GAB2: variants seen among roughly 807,000 people sequenced by gnomAD.
GAB2 encodes GRB2-associated-binding protein 2.
GAB2 carries 26 observed loss-of-function variants against 65.5 expected under a neutral mutation model. The observed-to-expected ratio is 0.40, with a 90% CI of 0.29 to 0.55. The LOEUF is 0.55. Among genes scored for constraint, GAB2 ranks in the 20% least tolerant of loss-of-function variants. The pLI is 0.53. For missense variants in GAB2, 884 were observed against 875.8 expected, an observed-to-expected ratio of 1.01 and a Z score of -0.12; for synonymous variants, 321 against 329.6, an observed-to-expected ratio of 0.97 and a Z score of 0.28.
At chr11:78,320,023 A>G in intron 1 of GAB2, among the ~76,000 whole-genome samples, 1 of 151,934 alleles carries the variant, frequency 6.6e-6, no homozygotes, top group Non-Finnish European at 1.5e-5. Context: ...TTACAGGTAC[A>G]CACCACCACA....
chr11:78,394,236 C>T (rs539150825), intron 1 of GAB2, among the ~76,000 whole-genome samples: 11 of 152,016 alleles, frequency 7.2e-5, no homozygotes, highest in Non-Finnish European at 7.4e-5. Context: ...TGCAGTTAGC[C>T]GAGATCGTGC....
intron 1 of GAB2, among the ~76,000 whole-genome samples, chr11:78,390,450 A>G (rs1214400387): frequency 1.3e-5 from 2 of 152,184 alleles, no homozygotes; most frequent in African/African-American, 2.4e-5. Context: ...TTAGCTGAGT[A>G]TGGTGGCAGG....
intron 1 of GAB2, among the ~76,000 whole-genome samples, chr11:78,285,211 T>C (rs1405238342): frequency 6.6e-6 from 1 of 152,228 alleles, no homozygotes; most frequent in Non-Finnish European, 1.5e-5. Context: ...CCGTTAGTCT[T>C]GTCTCTGTGG....
rs1397366452 is a variant in GAB2, at chr11:78,396,683, C to T, written c.75+20963G>A. Reference sequence around the variant, plus strand: ...AGTGCTCTCAGGTCACCGCAACCTCCGCCTCCCGGGTTCAAGCGATTCTCC... The same window carrying T: ...AGTGCTCTCAGGTCACCGCAACCTCTGCCTCCCGGGTTCAAGCGATTCTCC... On this transcript the variant is annotated intron_variant, in intron 1 of 9. Transcript: ENST00000361507. Among the ~76,000 whole-genome samples, 4 of 152,258 alleles carry T rather than the reference C, an allele frequency of 2.6e-5. No individual in the cohort carries two copies. The South Asian group carries it at 8.3e-4, about 32-fold the overall frequency.
intron 3 of GAB2, among the ~76,000 whole-genome samples, chr11:78,245,849 CT>C (rs1211367466): frequency 6.6e-6 from 1 of 152,138 alleles, no homozygotes; most frequent in African/African-American, 2.4e-5. Flanking sequence ...CTTATTTTTC[CT>C]TTATCTGAGA....
At chr11:78,404,241 C>G (rs1377277724) in intron 1 of GAB2, among the ~76,000 whole-genome samples, 1 of 152,152 alleles carries the variant, frequency 6.6e-6, no homozygotes, top group Non-Finnish European at 1.5e-5. Context: ...GGTACATATA[C>G]ACAATGGAAT....
At chr11:78,326,228 G>A (rs1855820648) in intron 1 of GAB2, among the ~76,000 whole-genome samples, 1 of 152,040 alleles carries the variant, frequency 6.6e-6, no homozygotes. Context: ...TTCCAACCTT[G>A]TGTGATAGAA....
At chr11:78,346,114 C>T (rs572705220) in intron 1 of GAB2, among the ~76,000 whole-genome samples, 1 of 152,258 alleles carries the variant, frequency 6.6e-6, no homozygotes, top group East Asian at 1.9e-4. Context: ...ATCAACTCGA[C>T]AGCTGTAAAA....
intron 1 of GAB2, among the ~76,000 whole-genome samples, chr11:78,365,159 T>C (rs1856481345): frequency 6.6e-6 from 1 of 151,792 alleles, no homozygotes. Flanking sequence ...GGAAAAGGAG[T>C]CTGGTAACGG....
intron 1 of GAB2, among the ~76,000 whole-genome samples, chr11:78,331,281 C>T (rs1218347517): frequency 1.4e-5 from 2 of 147,052 alleles, no homozygotes; most frequent in Admixed American, 6.7e-5. Flanking sequence ...GAGTCTCGCT[C>T]TGTTGCCAGG....
intron 2 of GAB2, among the ~76,000 whole-genome samples, chr11:78,262,578 C>G (rs895546359): frequency 6.6e-6 from 1 of 152,072 alleles, no homozygotes; most frequent in Non-Finnish European, 1.5e-5. Context: ...TACAGAGCCT[C>G]GCAGGACCCA....
intron 1 of GAB2, among the ~76,000 whole-genome samples, chr11:78,360,083 G>C (rs908657756): frequency 2.6e-5 from 4 of 152,142 alleles, no homozygotes; most frequent in African/African-American, 9.7e-5. Flanking sequence ...GCAGAGATTG[G>C]AGTGATGCAA....
chr11:78,363,830 CA>C (rs1028694008), intron 1 of GAB2, among the ~76,000 whole-genome samples: 2 of 152,092 alleles, frequency 1.3e-5, no homozygotes, highest in African/African-American at 4.8e-5. Flanking sequence ...AAAATCCACC[CA>C]CCTCAGCCTC....
At chr11:78,258,133 C>T (rs985945746) in intron 2 of GAB2, among the ~76,000 whole-genome samples, 5 of 152,138 alleles carry the variant, frequency 3.3e-5, no homozygotes, top group African/African-American at 4.8e-5. Flanking sequence ...TGGATTAGAT[C>T]GGGGGTACAC....
At chr11:78,241,741 G>C (rs1397235234) in intron 3 of GAB2, among the ~76,000 whole-genome samples, 2 of 152,126 alleles carry the variant, frequency 1.3e-5, no homozygotes, top group Non-Finnish European at 1.5e-5. Flanking sequence ...AAGGTAGTTT[G>C]AAATTACCCA....
intron 1 of GAB2, among the ~76,000 whole-genome samples, chr11:78,297,975 CA>C (rs1866887150): frequency 6.6e-6 from 1 of 152,102 alleles, no homozygotes; most frequent in Admixed American, 6.6e-5. Flanking sequence ...AGAAAAGATA[CA>C]GGGAACTTTC....
chr11:78,373,396 A>G (rs1310308185), intron 1 of GAB2, among the ~76,000 whole-genome samples: 2 of 151,864 alleles, frequency 1.3e-5, no homozygotes, highest in Non-Finnish European at 2.9e-5. Flanking sequence ...GCATCACCAC[A>G]CCCGGCTAAT....
rs1030719688 is a variant in GAB2 at position 78,332,024 on chromosome 11, C to T, written c.76-51123G>A. ...CACACCAAGGGCTTGCCCCTCCTCC[C>T]TTTGCCTCTAGGAAAAGACAAGAAA... On this transcript the variant is annotated intron_variant, in intron 1 of 9. Transcript: ENST00000361507. Among the ~76,000 whole-genome samples, 4 of 152,214 alleles carry T rather than the reference C, an allele frequency of 2.6e-5. No individual in the cohort carries two copies. In the East Asian group the frequency reaches 5.8e-4, roughly 22 times the overall value.
chr11:78,342,621 G>C (rs984995420), intron 1 of GAB2, among the ~76,000 whole-genome samples: 10 of 152,064 alleles, frequency 6.6e-5, no homozygotes, highest in South Asian at 2.1e-4. Flanking sequence ...TGTTAGCCAG[G>C]ATGGTCTCCA....
Sources: gnomAD v4.1 joint callset for allele counts (sites outside exome capture counted in the v4.1 genomes callset) on GRCh38, gnomAD v4.1.1 for gene constraint, MANE v1.5 for transcripts, NCBI Gene and HGNC (gene_info 2026-07-23, HGNC 2026-07-21) for gene names.